TMEM132C: variants seen among roughly 807,000 people sequenced by gnomAD.
The protein encoded by TMEM132C is transmembrane protein 132C.
Under a neutral mutation model 61.4 loss-of-function variants are expected in TMEM132C, and 29 were observed. That is an observed-to-expected ratio of 0.47 (90% confidence interval 0.35 to 0.64). TMEM132C has a LOEUF of 0.64. Among genes scored for constraint, TMEM132C ranks in the 30% least tolerant of loss-of-function variants. TMEM132C has a pLI of 0.00. For synonymous variants in TMEM132C, 656 were observed against 633.1 expected (o/e 1.04, Z -0.54); for missense variants, 1,408 against 1,476.9 (o/e 0.95, Z 0.76).
At position 128,684,373 on chromosome 12, in the gene TMEM132C, C is replaced by T. The variant is rs116536631; in HGVS notation, c.1450-9456C>T. 6.9e-3 allele frequency among the ~76,000 whole-genome samples: 1,044 copies of T among 152,084 alleles called. 11 individuals carry two copies. Among genetic ancestry groups the T allele is most frequent in the Middle Eastern group, 0.02 (6 of 294 alleles). Reference sequence around the variant, plus strand: ...AACACAGATGCAAGCCTGTGTTCCTCACCACAACATTTGGATCCTACAAGG... The same window carrying T: ...AACACAGATGCAAGCCTGTGTTCCTTACCACAACATTTGGATCCTACAAGG... On this transcript the variant is annotated intron_variant, in intron 5 of 8. Coordinates refer to ENST00000435159, the MANE Select transcript of TMEM132C (RefSeq NM_001136103.3).
chr12:128,387,304 C>T (rs1874617495), intron 1 of TMEM132C, among the ~76,000 whole-genome samples: 1 of 152,128 alleles, frequency 6.6e-6, no homozygotes, highest in African/African-American at 2.4e-5. Context: ...GGGATGCTGG[C>T]GTGGAGGTTG....
At chr12:128,436,229 A>C (rs1347395949) in intron 2 of TMEM132C, among the ~76,000 whole-genome samples, 1 of 152,234 alleles carries the variant, frequency 6.6e-6, no homozygotes, top group African/African-American at 2.4e-5. Context: ...CATTCAGGAC[A>C]TAGGCATGGG....
chr12:128,466,770 G>A (rs565509806), intron 2 of TMEM132C, among the ~76,000 whole-genome samples: 6 of 152,202 alleles, frequency 3.9e-5, no homozygotes, highest in South Asian at 2.1e-4. Context: ...CACCCGCCTC[G>A]GCCTCCCAAA....
chr12:128,431,809 G>A (rs1225969548), intron 2 of TMEM132C, among the ~76,000 whole-genome samples: 1 of 151,974 alleles, frequency 6.6e-6, no homozygotes, highest in Non-Finnish European at 1.5e-5. Flanking sequence ...CACCTGCCTT[G>A]GCCCCCCAAA....
chr12:128,304,937 T>C (rs543271963), intron 1 of TMEM132C, among the ~76,000 whole-genome samples: 2 of 152,234 alleles, frequency 1.3e-5, no homozygotes, highest in South Asian at 4.2e-4. Context: ...GGCAATGACA[T>C]GAACCAATAT....
At chr12:128,559,325 A>C (rs1315083746) in intron 3 of TMEM132C, among the ~76,000 whole-genome samples, 1 of 152,142 alleles carries the variant, frequency 6.6e-6, no homozygotes, top group Non-Finnish European at 1.5e-5. Context: ...ATATAGTGTA[A>C]ATTATATAAA....
chr12:128,614,680 C>CA, intron 3 of TMEM132C, among the ~76,000 whole-genome samples: 1 of 152,152 alleles, frequency 6.6e-6, no homozygotes, highest in East Asian at 1.9e-4. Flanking sequence ...CGGTAGTTCC[C>CA]AAAATACATA....
chr12:128,449,282 T>C (rs1448385655), intron 2 of TMEM132C, among the ~76,000 whole-genome samples: 1 of 152,070 alleles, frequency 6.6e-6, no homozygotes, highest in East Asian at 1.9e-4. Flanking sequence ...GCATGTGCTC[T>C]CGGCTCCATC....
intron 1 of TMEM132C, among the ~76,000 whole-genome samples, chr12:128,305,615 T>A (rs1449768495): frequency 2.6e-5 from 4 of 151,964 alleles, no homozygotes; most frequent in African/African-American, 4.8e-5. Flanking sequence ...GGGCATTAGA[T>A]GACATTTAAA....
intron 3 of TMEM132C, among the ~76,000 whole-genome samples, chr12:128,604,810 ATGGATG>A (rs1876358874): frequency 1.3e-5 from 2 of 148,348 alleles, no homozygotes; most frequent in Non-Finnish European, 3.0e-5. Context: ...TAGATGATGG[ATGGATG>A]GATGGATGGA....
intron 4 of TMEM132C, among the ~76,000 whole-genome samples, chr12:128,658,026 G>T (rs1217425096): frequency 6.7e-6 from 1 of 149,296 alleles, no homozygotes; most frequent in Admixed American, 6.7e-5. Context: ...CTCCCATGGA[G>T]GCCACAAGGC....
intron 4 of TMEM132C, among the ~76,000 whole-genome samples, chr12:128,654,826 C>T (rs576717863): frequency 6.6e-6 from 1 of 152,118 alleles, no homozygotes; most frequent in Non-Finnish European, 1.5e-5. Context: ...ACAGAGAAGG[C>T]GTAACTAAGA....
intron 4 of TMEM132C, among the ~76,000 whole-genome samples, chr12:128,624,863 G>A (rs562128706): frequency 6.6e-6 from 1 of 152,156 alleles, no homozygotes; most frequent in East Asian, 1.9e-4. Flanking sequence ...CACTCTCAGT[G>A]AAATCTGTCC....
At chr12:128,686,452 G>C (rs1230838729) in intron 5 of TMEM132C, among the ~76,000 whole-genome samples, 6 of 152,196 alleles carry the variant, frequency 3.9e-5, no homozygotes, top group African/African-American at 1.4e-4. Context: ...TAATTACTGG[G>C]CATGGTGGTG....
At chr12:128,268,097 T>G (rs1018150871) in intron 1 of TMEM132C, among the ~76,000 whole-genome samples, 19 of 152,098 alleles carry the variant, frequency 1.2e-4, no homozygotes, top group African/African-American at 4.6e-4. Context: ...GCGGGTTCTC[T>G]CAAATGAGTC....
At chr12:128,646,769 A>G (rs1239672409) in intron 4 of TMEM132C, among the ~76,000 whole-genome samples, 1 of 145,890 alleles carries the variant, frequency 6.9e-6, no homozygotes, top group Non-Finnish European at 1.5e-5. Flanking sequence ...ATTGGATATG[A>G]GTGTGTTTAC....
intron 3 of TMEM132C, among the ~76,000 whole-genome samples, chr12:128,602,871 G>A (rs954332237): frequency 4.6e-5 from 7 of 152,346 alleles, no homozygotes; most frequent in Non-Finnish European, 7.3e-5. Context: ...CCAGCAAAGT[G>A]CAGAGGAGAC....
At chr12:128,595,130 C>A (rs1481684973) in intron 3 of TMEM132C, among the ~76,000 whole-genome samples, 1 of 152,110 alleles carries the variant, frequency 6.6e-6, no homozygotes, top group African/African-American at 2.4e-5. Context: ...TTGTTTTGAT[C>A]CTCCATTTAT....
chr12:128,519,456 A>C (rs973844291), intron 2 of TMEM132C, among the ~76,000 whole-genome samples: 1 of 152,220 alleles, frequency 6.6e-6, no homozygotes, highest in Non-Finnish European at 1.5e-5. Context: ...TGTCCCTTCA[A>C]AGTCTTAAGA....
Sources: gnomAD v4.1 joint callset for allele counts (sites outside exome capture counted in the v4.1 genomes callset) on GRCh38, gnomAD v4.1.1 for gene constraint, MANE v1.5 for transcripts, NCBI Gene and HGNC (gene_info 2026-07-23, HGNC 2026-07-21) for gene names.